Variants in HHAT observed in about 807,000 individuals in gnomAD.
HHAT encodes hedgehog acyltransferase.
A neutral mutation model predicts 70.8 loss-of-function variants in HHAT; 47 were observed. The observed-to-expected ratio is 0.66, with a 90% CI of 0.53 to 0.85. The LOEUF (loss-of-function observed/expected upper bound fraction) is 0.85, where lower values mean the gene tolerates loss of function less well. Ranked by LOEUF, HHAT falls within the 40% of genes least tolerant of loss-of-function variation. The pLI is 0.00. For missense variants in HHAT, 609 were observed against 604.8 expected (o/e 1.01, Z -0.07); for synonymous variants, 228 against 247.6 (o/e 0.92, Z 0.74).
chr1:210,431,885 A>G (rs1274076412), intron 7 of HHAT, among the ~76,000 whole-genome samples: 2 of 151,888 alleles, frequency 1.3e-5, no homozygotes, highest in Non-Finnish European at 2.9e-5. Context: ...GAAAATTTGA[A>G]AAGTAGTATA....
chr1:210,632,604 C>T (rs538494455), intron 11 of HHAT, among the ~76,000 whole-genome samples: 61 of 152,302 alleles, frequency 4.0e-4, no homozygotes, highest in African/African-American at 1.2e-3. Context: ...GCACAACTGC[C>T]GGCATTCAAA....
At chr1:210,527,145 T>C (rs528309896) in intron 9 of HHAT, among the ~76,000 whole-genome samples, 214 of 152,298 alleles carry the variant, frequency 1.4e-3, no homozygotes, top group African/African-American at 5.0e-3. Context: ...AGCCCCACCC[T>C]TATCACCACC....
intron 11 of HHAT, among the ~76,000 whole-genome samples, chr1:210,630,436 A>G (rs571798224): frequency 2.4e-4 from 37 of 152,316 alleles, no homozygotes; most frequent in African/African-American, 7.9e-4. Context: ...AGCAATTTGG[A>G]TGTGCCACTA....
chr1:210,525,882 T>G (rs1291655044), intron 9 of HHAT, among the ~76,000 whole-genome samples: 1 of 152,250 alleles, frequency 6.6e-6, no homozygotes, highest in Non-Finnish European at 1.5e-5. Context: ...CTTAGGCCAC[T>G]GCAGATGGGT....
chr1:210,634,832 C>T (rs771978948), intron 11 of HHAT, among the ~76,000 whole-genome samples: 1 of 152,100 alleles, frequency 6.6e-6, no homozygotes, highest in Non-Finnish European at 1.5e-5. Flanking sequence ...CAGGGCTTTA[C>T]TAAGAAAAGC....
chr1:210,581,140 G>C (rs955635986), intron 9 of HHAT, among the ~76,000 whole-genome samples: 12 of 152,234 alleles, frequency 7.9e-5, no homozygotes, highest in African/African-American at 2.2e-4. Flanking sequence ...AGAAGTGTCT[G>C]TTCATATCCT....
At chr1:210,539,448 C>T (rs1258243909) in intron 9 of HHAT, among the ~76,000 whole-genome samples, 3 of 152,180 alleles carry the variant, frequency 2.0e-5, no homozygotes, top group Admixed American at 6.5e-5. Flanking sequence ...CCTTTGAGCC[C>T]AGGTGGCCTT....
At chr1:210,543,560 C>T (rs2095452281) in intron 9 of HHAT, among the ~76,000 whole-genome samples, 1 of 152,098 alleles carries the variant, frequency 6.6e-6, no homozygotes, top group Non-Finnish European at 1.5e-5. Context: ...TGTCACTGCA[C>T]TCCAATCTGG....
intron 9 of HHAT, among the ~76,000 whole-genome samples, chr1:210,561,460 T>C (rs938753984): frequency 6.6e-6 from 1 of 152,162 alleles, no homozygotes; most frequent in Non-Finnish European, 1.5e-5. Flanking sequence ...TAAATCTGTT[T>C]CCTCATCTGG....
intron 9 of HHAT, among the ~76,000 whole-genome samples, chr1:210,579,510 G>A (rs1461259269): frequency 6.7e-6 from 1 of 148,906 alleles, no homozygotes; most frequent in African/African-American, 2.5e-5. Flanking sequence ...CTGTGTTCTT[G>A]CCATGATTTA....
At chr1:210,374,131 A>G (rs1323493623) in intron 3 of HHAT, 4 of 152,210 alleles carry the variant, frequency 2.6e-5, no homozygotes, top group Admixed American at 2.0e-4. Context: ...TTCCTCTTTA[A>G]GTCTTTTTTT....
At chr1:210,452,694 GT>G (rs1488606062) in intron 7 of HHAT, among the ~76,000 whole-genome samples, 1 of 152,168 alleles carries the variant, frequency 6.6e-6, no homozygotes, top group African/African-American at 2.4e-5. Flanking sequence ...GTGACTTGAG[GT>G]TTTTCTTTAA....
chr1:210,386,217 C>CTTTTCTT (rs1558409082), intron 3 of HHAT, among the ~76,000 whole-genome samples: 4 of 119,312 alleles, frequency 3.4e-5, no homozygotes, highest in African/African-American at 9.6e-5. Flanking sequence ...TGCAGGAGTC[C>CTTTTCTT]TTTTCTTTTT....
intron 9 of HHAT, among the ~76,000 whole-genome samples, chr1:210,562,567 G>A (rs1055262982): frequency 6.6e-6 from 1 of 152,014 alleles, no homozygotes; most frequent in African/African-American, 2.4e-5. Flanking sequence ...TCTACTGAGC[G>A]CTTGCTGTAT....
intron 9 of HHAT, among the ~76,000 whole-genome samples, chr1:210,562,097 A>G (rs145758995): frequency 6.6e-6 from 1 of 152,278 alleles, no homozygotes; most frequent in East Asian, 1.9e-4. Context: ...ATGAAACCTT[A>G]ATTATGAGAT....
chr1:210,505,050 C>G (rs2094828330), intron 8 of HHAT, among the ~76,000 whole-genome samples: 2 of 152,044 alleles, frequency 1.3e-5, no homozygotes, highest in African/African-American at 2.4e-5. Context: ...AGGTGCCCAC[C>G]ACTACACCCG....
chr1:210,601,287 G>A (rs989989347), intron 10 of HHAT, among the ~76,000 whole-genome samples: 2 of 152,098 alleles, frequency 1.3e-5, no homozygotes, highest in East Asian at 1.9e-4. Context: ...CTAACTCACC[G>A]CTTGGCAAGA....
intron 3 of HHAT, among the ~76,000 whole-genome samples, chr1:210,380,634 G>A (rs1278777358): frequency 6.6e-6 from 1 of 152,150 alleles, no homozygotes; most frequent in Non-Finnish European, 1.5e-5. Context: ...GGGAGCATAG[G>A]CAAGGGACAC....
At chr1:210,451,088 A>AG in intron 7 of HHAT, among the ~76,000 whole-genome samples, 1 of 31,582 alleles carries the variant, frequency 3.2e-5, no homozygotes, top group Non-Finnish European at 6.4e-5. Flanking sequence ...CTCCATCTCC[A>AG]AAAAAAAAAA....
Sources: gnomAD v4.1 joint callset for allele counts (sites outside exome capture counted in the v4.1 genomes callset) on GRCh38, gnomAD v4.1.1 for gene constraint, MANE v1.5 for transcripts, NCBI Gene and HGNC (gene_info 2026-07-23, HGNC 2026-07-21) for gene names.